EPB41L3: variants seen among roughly 807,000 people sequenced by gnomAD.
EPB41L3 encodes erythrocyte membrane protein band 4.1 like 3.
In EPB41L3, 57 loss-of-function variants were observed where a neutral mutation model predicts 127.1. The observed-to-expected ratio is 0.45, with a 90% CI of 0.36 to 0.56. The LOEUF (loss-of-function observed/expected upper bound fraction) is 0.56. EPB41L3 is among the 20% of genes least tolerant of loss of function. The pLI is 0.00. For missense variants in EPB41L3, 1,273 were observed against 1,372.2 expected (o/e 0.93, Z 1.14); for synonymous variants, 572 against 549.5 (o/e 1.04, Z -0.57).
At chr18:5,394,025 T>C (rs2072875339) in intron 22 of EPB41L3, 1 of 153,808 alleles carries the variant, frequency 6.5e-6, no homozygotes, top group African/African-American at 2.4e-5. Flanking sequence ...GTATGTGCTT[T>C]CTACAGGACC....
At chr18:5,403,632 C>T (rs2074889838) in intron 16 of EPB41L3, among the ~76,000 whole-genome samples, 1 of 149,206 alleles carries the variant, frequency 6.7e-6, no homozygotes, top group East Asian at 2.0e-4. Context: ...TTTGGGAAGT[C>T]ATAAGTTTGG....
intron 3 of EPB41L3, among the ~76,000 whole-genome samples, chr18:5,566,447 T>C (rs146210260): frequency 0.017 from 2,574 of 152,162 alleles, 81 homozygotes; most frequent in African/African-American, 0.06. Context: ...AACCACTGCT[T>C]AATGAAATAA....
intron 3 of EPB41L3, among the ~76,000 whole-genome samples, chr18:5,585,504 A>T (rs2094434321): frequency 6.6e-6 from 1 of 152,118 alleles, no homozygotes; most frequent in Non-Finnish European, 1.5e-5. Flanking sequence ...GGGTTTTGCC[A>T]TGTTGGCCAG....
intron 1 of EPB41L3, among the ~76,000 whole-genome samples, chr18:5,508,495 C>T (rs749587385): frequency 6.6e-5 from 10 of 152,046 alleles, no homozygotes; most frequent in East Asian, 1.9e-4. Flanking sequence ...AGGCTGGACA[C>T]GGTGGTTCAT....
At chr18:5,466,543 G>A (rs983150468) in intron 3 of EPB41L3, among the ~76,000 whole-genome samples, 1 of 152,092 alleles carries the variant, frequency 6.6e-6, no homozygotes, top group Admixed American at 6.5e-5. Context: ...AATCATGCAC[G>A]CAACACGCCA....
chr18:5,628,811 C>T (rs558536505), intron 1 of EPB41L3: 2 of 151,602 alleles, frequency 1.3e-5, no homozygotes, highest in East Asian at 3.9e-4. Flanking sequence ...ACTTCCAGCG[C>T]CACTCGGGTG....
upstream of EPB41L3, among the ~76,000 whole-genome samples, chr18:5,545,939 GAAGA>G (rs1438053837): frequency 1.3e-5 from 2 of 149,914 alleles, no homozygotes; most frequent in African/African-American, 2.4e-5. Context: ...GTCTGTGAAT[GAAGA>G]AAGAATTCAT....
intron 3 of EPB41L3, among the ~76,000 whole-genome samples, chr18:5,462,187 A>C (rs533931333): frequency 5.4e-4 from 83 of 152,356 alleles, no homozygotes; most frequent in Admixed American, 2.2e-3. Flanking sequence ...ATGTAAAGCT[A>C]CTTCTAATAT....
At chr18:5,621,088 A>G (rs546752611) in intron 1 of EPB41L3, among the ~76,000 whole-genome samples, 1 of 152,328 alleles carries the variant, frequency 6.6e-6, no homozygotes, top group African/African-American at 2.4e-5. Context: ...GGGAAGCAGG[A>G]GAACACATCA....
intron 1 of EPB41L3, among the ~76,000 whole-genome samples, chr18:5,523,142 C>G (rs1203543686): frequency 6.6e-6 from 1 of 152,194 alleles, no homozygotes. Flanking sequence ...AAGCATCACA[C>G]AAGGGCCACA....
intron 3 of EPB41L3, among the ~76,000 whole-genome samples, chr18:5,600,491 T>TA (rs1285743719): frequency 1.3e-5 from 2 of 152,102 alleles, no homozygotes; most frequent in African/African-American, 2.4e-5. Flanking sequence ...AGTCTCATCA[T>TA]AAAAAAAGAG....
chr18:5,401,869 A>G (rs933540198), intron 16 of EPB41L3, among the ~76,000 whole-genome samples: 6 of 152,174 alleles, frequency 3.9e-5, no homozygotes, highest in African/African-American at 1.4e-4. Flanking sequence ...AACTTCACAG[A>G]GCAGGGACAG....
intron 13 of EPB41L3, among the ~76,000 whole-genome samples, chr18:5,413,668 T>C (rs1164043897): frequency 6.6e-6 from 1 of 152,174 alleles, no homozygotes; most frequent in African/African-American, 2.4e-5. Flanking sequence ...TAGCTCAGCC[T>C]GAACTAGAAT....
chr18:5,502,010 G>A (rs1379936421), intron 1 of EPB41L3, among the ~76,000 whole-genome samples: 2 of 151,538 alleles, frequency 1.3e-5, no homozygotes, highest in African/African-American at 2.4e-5. Flanking sequence ...TTAAGAGACA[G>A]CTGGCTCAGT....
chr18:5,416,477 T>C (rs2076844365), intron 12 of EPB41L3, 99 bp from the exon 13 acceptor site: 15 of 1,316,288 alleles, frequency 1.1e-5, no homozygotes, highest in South Asian at 4.7e-5. Context: ...TGGGTATCAA[T>C]ATAAAATTGT....
intron 1 of EPB41L3, among the ~76,000 whole-genome samples, chr18:5,510,450 T>A (rs887758883): frequency 1.1e-4 from 17 of 152,080 alleles, no homozygotes; most frequent in African/African-American, 4.8e-5. Context: ...AAAACAAACG[T>A]GTAGGAGACT....
intron 3 of EPB41L3, among the ~76,000 whole-genome samples, chr18:5,470,885 C>A (rs933702701): frequency 1.3e-5 from 2 of 152,186 alleles, no homozygotes; most frequent in Non-Finnish European, 2.9e-5. Context: ...GCCACTGTAG[C>A]CACCCAAGGA....
At chr18:5,573,764 C>T (rs2094307836) in intron 3 of EPB41L3, among the ~76,000 whole-genome samples, 1 of 152,112 alleles carries the variant, frequency 6.6e-6, no homozygotes, top group Non-Finnish European at 1.5e-5. Flanking sequence ...TTATTACAGT[C>T]ACATTATGCT....
chr18:5,559,348 G>C (rs1299187495), intron 3 of EPB41L3, among the ~76,000 whole-genome samples: 1 of 152,098 alleles, frequency 6.6e-6, no homozygotes, highest in African/African-American at 2.4e-5. Flanking sequence ...AAAAGACAAA[G>C]GGAGAAGTCC....
Sources: gnomAD v4.1 joint callset for allele counts (sites outside exome capture counted in the v4.1 genomes callset) on GRCh38, gnomAD v4.1.1 for gene constraint, MANE v1.5 for transcripts, NCBI Gene and HGNC (gene_info 2026-07-23, HGNC 2026-07-21) for gene names.